The following ZFPM2 variants were observed in gnomAD, a reference collection of about 807,000 sequenced individuals.
ZFPM2 encodes zinc finger protein ZFPM2.
In ZFPM2, 20 loss-of-function variants were observed where a neutral mutation model predicts 98.6. The ratio of observed to expected loss-of-function variants is 0.20; its 90% CI spans 0.14 to 0.29. The LOEUF (loss-of-function observed/expected upper bound fraction) is 0.29, where lower values mean the gene tolerates loss of function less well. Among genes scored for constraint, ZFPM2 ranks in the 10% least tolerant of loss-of-function variants. The pLI is 1.00. For synonymous variants in ZFPM2, 518 were observed against 502.7 expected (o/e 1.03, Z -0.41); for missense variants, 1,310 against 1,388.6 (o/e 0.94, Z 0.90).
At chr8:105,357,730 G>A (rs1812775400) in intron 1 of ZFPM2, among the ~76,000 whole-genome samples, 1 of 151,984 alleles carries the variant, frequency 6.6e-6, no homozygotes, top group African/African-American at 2.4e-5. Flanking sequence ...AGTTTTTAAG[G>A]GCTATCGTTT....
chr8:105,673,426 A>C (rs1375687998), intron 5 of ZFPM2, among the ~76,000 whole-genome samples: 1 of 152,148 alleles, frequency 6.6e-6, no homozygotes, highest in Non-Finnish European at 1.5e-5. Context: ...TCATGTTGGC[A>C]TGCCTATCAC....
intron 5 of ZFPM2, among the ~76,000 whole-genome samples, chr8:105,648,900 C>T (rs761934593): frequency 2.0e-5 from 3 of 151,968 alleles, no homozygotes; most frequent in East Asian, 1.9e-4. Flanking sequence ...AGTAGTTTTT[C>T]CCAATTCTGT....
intron 5 of ZFPM2, among the ~76,000 whole-genome samples, chr8:105,697,711 C>G (rs1035185615): frequency 6.6e-6 from 1 of 152,036 alleles, no homozygotes; most frequent in Non-Finnish European, 1.5e-5. Flanking sequence ...AATTTACATC[C>G]TTAGTTTACA....
intron 4 of ZFPM2, among the ~76,000 whole-genome samples, chr8:105,562,510 G>C (rs1017676427): frequency 6.6e-6 from 1 of 152,058 alleles, no homozygotes; most frequent in African/African-American, 2.4e-5. Context: ...AATCCAAATT[G>C]GGTGTCACTG....
chr8:105,323,718 A>C (rs1401389878), intron 1 of ZFPM2, among the ~76,000 whole-genome samples: 1 of 151,950 alleles, frequency 6.6e-6, no homozygotes, highest in Non-Finnish European at 1.5e-5. Flanking sequence ...AGTTAAAGAC[A>C]ACCTAAGAAA....
At chr8:105,373,947 G>A (rs369397645) in intron 1 of ZFPM2, among the ~76,000 whole-genome samples, 2 of 152,102 alleles carry the variant, frequency 1.3e-5, no homozygotes, top group African/African-American at 4.8e-5. Flanking sequence ...TGGGCTGGGA[G>A]GGCAGCAAGT....
chr8:105,620,365 T>A (rs922934831), intron 4 of ZFPM2, among the ~76,000 whole-genome samples: 8 of 152,220 alleles, frequency 5.3e-5, no homozygotes, highest in African/African-American at 1.9e-4. Flanking sequence ...CTTTGCCCAC[T>A]TTTTGATGGG....
intron 5 of ZFPM2, among the ~76,000 whole-genome samples, chr8:105,698,142 T>C (rs1328095369): frequency 6.6e-6 from 1 of 152,250 alleles, no homozygotes; most frequent in African/African-American, 2.4e-5. Context: ...GTGGCTTGAA[T>C]TGAAATCAGT....
Position 105,444,505 on chromosome 8 carries a change from TTAAA to T in ZFPM2, c.301+129_301+132del, listed in dbSNP as rs774354619. The T allele has an allele frequency of 1.1e-5, 6 of 537,952 alleles. No homozygotes were observed. The Admixed American group carries it at 1.6e-4, about 14-fold the overall frequency. The allele number at this position is 537,952 out of a possible 1,614,324, so 33.3% of individuals were successfully genotyped here. ...TTGTGTGTGCTGGTTACATGAGAGT[TTAAA>T]TAAAGATTATTATTTTAAAAATACT... On this transcript the variant is annotated intron_variant, in intron 3 of 7. Coordinates refer to ENST00000407775, the MANE Select transcript of ZFPM2 (RefSeq NM_012082.4).
intron 5 of ZFPM2, among the ~76,000 whole-genome samples, chr8:105,711,906 T>C (rs534395892): frequency 1.3e-5 from 2 of 152,106 alleles, no homozygotes; most frequent in South Asian, 2.1e-4. Flanking sequence ...TCTATGGTTT[T>C]ATATATATCT....
chr8:105,365,498 G>A (rs986214955), intron 1 of ZFPM2, among the ~76,000 whole-genome samples: 1 of 152,054 alleles, frequency 6.6e-6, no homozygotes, highest in Non-Finnish European at 1.5e-5. Context: ...ATAATCTCTG[G>A]AGTAGTTTGT....
intron 1 of ZFPM2, among the ~76,000 whole-genome samples, chr8:105,379,133 ATTGTTC>A (rs1011064511): frequency 2.6e-5 from 4 of 152,186 alleles, no homozygotes; most frequent in African/African-American, 9.7e-5. Flanking sequence ...TTTCAAAAAA[ATTGTTC>A]TTGTTGATTT....
chr8:105,493,545 ACAT>A (rs1813397923), intron 3 of ZFPM2, among the ~76,000 whole-genome samples: 1 of 152,180 alleles, frequency 6.6e-6, no homozygotes, highest in Admixed American at 6.5e-5. Context: ...TCACTTGATG[ACAT>A]CATCCGGTTG....
rs1231172109 is a variant in ZFPM2, at chr8:105,788,692, A to G, written c.533-26A>G. 4 of 1,609,676 alleles carry G rather than the reference A, an allele frequency of 2.5e-6. No individual in the cohort carries two copies. The Admixed American group carries it at 6.7e-5, about 27-fold the overall frequency. ...GACTCAAGCATCCTATGTCAATTTTATCTTTTTCTTTTTTCTTCTTAATAG... is the reference window on the plus strand; with the variant it reads ...GACTCAAGCATCCTATGTCAATTTTGTCTTTTTCTTTTTTCTTCTTAATAG... On this transcript the variant is annotated intron_variant, in intron 5 of 7. Transcript: ENST00000407775.
chr8:105,425,755 T>C (rs1811894423), intron 2 of ZFPM2, among the ~76,000 whole-genome samples: 1 of 152,180 alleles, frequency 6.6e-6, no homozygotes. Flanking sequence ...AAGTTAAGGT[T>C]ATTGGCATTA....
rs183805689 is a variant in ZFPM2 at position 105,352,567 on chromosome 8, C to T, written c.40+33586C>T. 1.2e-3 allele frequency among the ~76,000 whole-genome samples: 176 copies of T among 151,500 alleles called. 2 individuals are homozygous for T. The highest frequency in any genetic ancestry group is 4.1e-3 in the African/African-American group (169 of 41,224). On this transcript the variant is annotated intron_variant, in intron 1 of 7. Coordinates refer to ENST00000407775, the MANE Select transcript of ZFPM2 (RefSeq NM_012082.4). The stretch of plus-strand genomic sequence containing the variant: ...TTCTTTTGGCACGACTAAAAGACAT[C>T]CAGAAGTTCCCATTTTACCGTTTTT...
intron 1 of ZFPM2, among the ~76,000 whole-genome samples, chr8:105,331,442 T>C (rs1265585692): frequency 6.6e-6 from 1 of 151,614 alleles, no homozygotes; most frequent in Non-Finnish European, 1.5e-5. Flanking sequence ...GAGGTTCCGG[T>C]ATGGGATGTT....
chr8:105,694,144 G>A (rs540540590), intron 5 of ZFPM2, among the ~76,000 whole-genome samples: 2 of 151,094 alleles, frequency 1.3e-5, no homozygotes, highest in South Asian at 2.1e-4. Context: ...CTGTCACTAC[G>A]CCGGCTAATT....
intron 3 of ZFPM2, among the ~76,000 whole-genome samples, chr8:105,502,028 TTACA>T (rs1221679545): frequency 6.6e-6 from 1 of 152,054 alleles, no homozygotes; most frequent in Non-Finnish European, 1.5e-5. Context: ...ACATTTTTAC[TTACA>T]TTAAGAACAC....
Sources: allele counts gnomAD v4.1 joint callset (sites outside exome capture counted in the v4.1 genomes callset), GRCh38; gene constraint gnomAD v4.1.1; transcripts MANE v1.5; gene names NCBI Gene and HGNC (gene_info 2026-07-23, HGNC 2026-07-21).